PI4KA: variants seen among roughly 807,000 people sequenced by gnomAD.
The protein encoded by PI4KA is phosphatidylinositol 4-kinase alpha.
PI4KA carries 122 observed loss-of-function variants against 271.4 expected under a neutral mutation model. The ratio of observed to expected loss-of-function variants is 0.45; its 90% CI spans 0.39 to 0.52. PI4KA has a LOEUF of 0.52. PI4KA is among the 20% of genes least tolerant of loss of function. The pLI is 0.00. For missense variants in PI4KA, 1,969 were observed against 2,769.1 expected, an observed-to-expected ratio of 0.71 and a Z score of 6.48; for synonymous variants, 1,041 against 1,078.8, an observed-to-expected ratio of 0.96 and a Z score of 0.69.
At chr22:20,774,488 T>C (rs1352358773) in intron 19 of PI4KA, among the ~76,000 whole-genome samples, 1 of 152,132 alleles carries the variant, frequency 6.6e-6, no homozygotes, top group African/African-American at 2.4e-5. Flanking sequence ...AGGGGCCGGG[T>C]GCAGTGGCTC....
chr22:20,827,450 C>T (rs950745692), intron 3 of PI4KA, among the ~76,000 whole-genome samples: 1 of 152,118 alleles, frequency 6.6e-6, no homozygotes, highest in Non-Finnish European at 1.5e-5. Context: ...GTTACTGTAG[C>T]CCTGTAGTAG....
chr22:20,753,232 T>C (rs779555844), intron 23 of PI4KA, 52 bp from the exon 24 acceptor site: 10 of 1,501,352 alleles, frequency 6.7e-6, no homozygotes, highest in Admixed American at 1.7e-5. Flanking sequence ...GAGAGAATCC[T>C]AGCAACTTTC....
chr22:20,823,721 T>C lies in PI4KA; in HGVS notation c.456+605A>G, dbSNP rs77600267. Among the ~76,000 whole-genome samples the C allele has an allele frequency of 2.9e-3, 448 of 152,206 alleles. 2 individuals carry two copies. Among genetic ancestry groups the C allele is most frequent in the African/African-American group, 0.01 (422 of 41,538 alleles). ...TGGGAGGTCGAGGCAGAAGGATCAC[T>C]TGAGGCCCGGAGTTCAAGACCAGCC... On this transcript the variant is annotated intron_variant, in intron 4 of 54. Coordinates refer to ENST00000255882, the MANE Select transcript of PI4KA (RefSeq NM_058004.4).
intron 1 of PI4KA, among the ~76,000 whole-genome samples, chr22:20,843,566 C>T (rs138307363): frequency 6.6e-6 from 1 of 152,292 alleles, no homozygotes; most frequent in East Asian, 1.9e-4. Flanking sequence ...CACTGATATG[C>T]TTACCTGAAC....
intron 42 of PI4KA, among the ~76,000 whole-genome samples, chr22:20,723,906 T>G (rs997922918): frequency 1.4e-4 from 22 of 151,866 alleles, no homozygotes; most frequent in Non-Finnish European, 1.3e-4. Context: ...TGGCATGATC[T>G]TGGCTCACTG....
rs1932429291 is a variant in PI4KA at position 20,765,388 on chromosome 22, C to T, written c.2438-152G>A. ...AAGTCTGTTACCTGACTTGGACAGA[C>T]TTTTCCTAAGGTGTATGGCATTCTC... On this transcript the variant is annotated intron_variant, in intron 20 of 54. Coordinates refer to ENST00000255882, the MANE Select transcript of PI4KA (RefSeq NM_058004.4). 3 of 904,308 alleles carry T rather than the reference C, an allele frequency of 3.3e-6. No homozygotes were observed. The East Asian group carries it at 7.4e-5, about 22-fold the overall frequency. 56.0% of individuals were successfully genotyped at this position (904,308 alleles called of 1,614,324 possible).
At chr22:20,771,565 C>CTTTA (rs361642) in intron 19 of PI4KA, among the ~76,000 whole-genome samples, 13,805 of 147,198 alleles carry the variant, frequency 0.094, 605 homozygotes, top group East Asian at 0.13. Flanking sequence ...AATATGTTGG[C>CTTTA]TTTATTTATT....
intron 19 of PI4KA, among the ~76,000 whole-genome samples, chr22:20,789,578 C>A (rs979844526): frequency 1.3e-5 from 2 of 152,246 alleles, no homozygotes; most frequent in African/African-American, 4.8e-5. Context: ...GATCTGCCCA[C>A]CTTGGCCTCC....
In PI4KA at chr22:20,714,615, G is replaced by T. The variant is rs1179552513; in HGVS notation, c.5390+13C>A. ...CGCGTGGAAGTGGGGGATGGGTAGG[G>T]TGAGGCGCCCACCTCTGCATCGGGG... On this transcript the variant is annotated intron_variant, in intron 46 of 54. Transcript: ENST00000255882. The T allele has an allele frequency of 1.9e-6, 3 of 1,614,024 alleles. No individual in the cohort carries two copies. The highest frequency in any genetic ancestry group is 2.5e-6 in the Non-Finnish European group (3 of 1,179,862).
intron 19 of PI4KA, chr22:20,779,265 C>T (rs775958557): frequency 9.9e-6 from 16 of 1,612,352 alleles, no homozygotes; most frequent in African/African-American, 5.3e-5. Context: ...TCAGCCAGGC[C>T]GCCTTTCACT....
chr22:20,731,242 C>T (rs1568964007), intron 36 of PI4KA, among the ~76,000 whole-genome samples: 1 of 152,152 alleles, frequency 6.6e-6, no homozygotes, highest in Non-Finnish European at 1.5e-5. Flanking sequence ...TAAAAGATGG[C>T]AGTTATCTGA....
intron 3 of PI4KA, among the ~76,000 whole-genome samples, chr22:20,828,186 G>C (rs1359811871): frequency 6.6e-6 from 1 of 152,214 alleles, no homozygotes; most frequent in East Asian, 1.9e-4. Flanking sequence ...GAATGCTTCT[G>C]ATTTTTGTAC....
intron 36 of PI4KA, among the ~76,000 whole-genome samples, chr22:20,730,542 T>C (rs1400857137): frequency 2.6e-5 from 4 of 151,880 alleles, no homozygotes; most frequent in African/African-American, 7.3e-5. Flanking sequence ...CCCAAAGTGC[T>C]AGGATTACAG....
rs762367213 is a variant in PI4KA, at chr22:20,727,852, T to C, written c.4695A>G (p.Thr1565=). ...AVQLPARFKN[T]EAIGNEVTRL... ...GGGTCACTTCGTTCCCAATGGCTTC[T>C]GTGTTCTTAAACCTACAGTGCACAG... Residue 1565 remains threonine (T), a synonymous_variant, in exon 40 of 55, where the codon ACA becomes ACG. Transcript: ENST00000255882. The C allele has an allele frequency of 9.3e-6, 15 of 1,613,998 alleles. No individual in the cohort carries two copies. Among genetic ancestry groups the C allele is most frequent in the Non-Finnish European group, 1.2e-5 (14 of 1,179,872 alleles).
At chr22:20,849,662 G>A (rs185540265) in intron 1 of PI4KA, among the ~76,000 whole-genome samples, 7 of 152,122 alleles carry the variant, frequency 4.6e-5, no homozygotes, top group African/African-American at 1.4e-4. Context: ...AAGACCATCC[G>A]GCTAACACGA....
At chr22:20,832,487 T>G (rs542816394) in intron 3 of PI4KA, among the ~76,000 whole-genome samples, 7 of 152,146 alleles carry the variant, frequency 4.6e-5, no homozygotes, top group African/African-American at 1.7e-4. Context: ...GGAGTCTCAC[T>G]CTGTTACCCA....
At chr22:20,749,884 C>T (rs769694074) in intron 28 of PI4KA, 21 bp downstream of exon 28, 1 of 1,508,256 alleles carries the variant, frequency 6.6e-7, no homozygotes, top group Non-Finnish European at 9.2e-7. Flanking sequence ...ATGGCAATTG[C>T]CTTTTGATGG....
At position 20,742,622 on chromosome 22, in the gene PI4KA, A is replaced by G. The variant is rs771875514; in HGVS notation, c.3599T>C (p.Leu1200Pro). 2 of 1,614,138 alleles carry G rather than the reference A, an allele frequency of 1.2e-6. No individual in the cohort carries two copies. The highest frequency in any genetic ancestry group is 2.2e-5 in the South Asian group (2 of 91,088). ...CAGTGAGTTACCTTTACTGCTAATG[A>G]GCATTGCGGTCAGCTTGAACATGGC... is the stretch of plus-strand genomic sequence containing the variant. ...TQAMFKLTAM[L>P]ISSKDCDPQL... Residue 1200 changes from leucine (L) to proline (P), a missense_variant, in exon 31 of 55, where the codon CTC becomes CCC. Transcript: ENST00000255882.
chr22:20,834,520 G>A (rs1486531849), intron 3 of PI4KA, 42 bp downstream of exon 3: 2 of 1,151,086 alleles, frequency 1.7e-6, no homozygotes, highest in Middle Eastern at 1.9e-4. Context: ...CTGAACATGT[G>A]TATTTTCTCT....
Sources: gnomAD v4.1 joint callset for allele counts (sites outside exome capture counted in the v4.1 genomes callset) on GRCh38, gnomAD v4.1.1 for gene constraint, MANE v1.5 for transcripts, NCBI Gene and HGNC (gene_info 2026-07-23, HGNC 2026-07-21) for gene names.